The following ARHGAP35 variants were observed in gnomAD, a reference collection of about 807,000 sequenced individuals.
The protein encoded by ARHGAP35 is Rho GTPase activating protein 35.
A neutral mutation model predicts 111.1 loss-of-function variants in ARHGAP35; 15 were observed. The observed-to-expected ratio is 0.13, with a 90% CI of 0.09 to 0.21. The LOEUF is 0.21. Ranked by LOEUF, ARHGAP35 falls within the 10% of genes least tolerant of loss-of-function variation. ARHGAP35 has a pLI of 1.00. For missense variants in ARHGAP35, 1,262 were observed against 1,873.0 expected, an observed-to-expected ratio of 0.67 and a Z score of 6.02; for synonymous variants, 643 against 710.3, an observed-to-expected ratio of 0.91 and a Z score of 1.51.
In ARHGAP35 at chr19:46,989,561, G is replaced by A. The variant is rs2056668913; in HGVS notation, c.3922G>A (p.Ala1308Thr). The A allele has an allele frequency of 6.2e-7, 1 of 1,613,772 alleles. No homozygotes were observed. The highest frequency in any genetic ancestry group is 1.3e-5 in the African/African-American group (1 of 74,924). ...QFDQDHNLDL[A>T]EKDFTVNTVA... Reference sequence around the variant, plus strand: ...CCTTTCAGACCACAACCTGGACCTGGCAGAGAAAGACTTTACGGTGAATAC... The same window carrying A: ...CCTTTCAGACCACAACCTGGACCTGACAGAGAAAGACTTTACGGTGAATAC... The change falls in exon 5 of 7, where the codon GCA becomes ACA. Residue 1308 changes from alanine to threonine, a missense_variant. By Grantham distance (58) the Ala-to-Thr change is moderately conservative. Coordinates refer to ENST00000672722, the MANE Select transcript of ARHGAP35 (RefSeq NM_004491.5). The surrounding 1 kb of genome is among the most constrained non-coding windows in gnomAD (Gnocchi z 5.3).
chr19:46,924,543 G>C (rs920176172), intron 2 of ARHGAP35, among the ~76,000 whole-genome samples: 2 of 152,168 alleles, frequency 1.3e-5, no homozygotes, highest in Non-Finnish European at 2.9e-5. Flanking sequence ...TCTACATGGA[G>C]TCCTTTGTCT....
At chr19:46,878,065 A>C (rs542195877) in intron 1 of ARHGAP35, among the ~76,000 whole-genome samples, 122 of 151,962 alleles carry the variant, frequency 8.0e-4, no homozygotes, top group Non-Finnish European at 1.5e-3. Flanking sequence ...TTTGTTGCCC[A>C]GGCTAGAGAG....
At chr19:46,996,865 AGT>A (rs1322511720) in intron 5 of ARHGAP35, among the ~76,000 whole-genome samples, 1 of 152,228 alleles carries the variant, frequency 6.6e-6, no homozygotes, top group Non-Finnish European at 1.5e-5. Flanking sequence ...CGTAGAAAAG[AGT>A]GTGCCCATGG....
Position 46,987,741 on chromosome 19 carries a change from G to A in ARHGAP35, c.3827-248G>A, listed in dbSNP as rs994975942. On this transcript the variant is annotated intron_variant, in intron 3 of 6. Transcript: ENST00000672722. The stretch of plus-strand genomic sequence containing the variant: ...TGAACAGAAGTTATCTTTAGCTGCT[G>A]TGCTTCTATAGTCTTTCCATTTTTA... 2.6e-5 allele frequency among the ~76,000 whole-genome samples: 4 copies of A among 152,284 alleles called. No individual in the cohort carries two copies. The South Asian group carries it at 8.3e-4, about 32-fold the overall frequency.
In ARHGAP35 at chr19:46,989,314, G is replaced by C; in HGVS notation, c.3905-230G>C. 1 of 476,410 alleles carries C rather than the reference G, an allele frequency of 2.1e-6. No individual in the cohort carries two copies. Among genetic ancestry groups the C allele is most frequent in the South Asian group, 2.6e-5 (1 of 39,174 alleles). The allele number at this position is 476,410 out of a possible 1,614,324, so 29.5% of individuals were successfully genotyped here. A position where few individuals can be genotyped will look rare whatever the true frequency, so the allele number is the denominator to read the frequency against. ...TGGGGGTAGCACCCCTGCCCCGAGA[G>C]TGGTAGAAGGGGCAGTTCAGCAGTC... On this transcript the variant is annotated intron_variant, in intron 4 of 6. Coordinates refer to ENST00000672722, the MANE Select transcript of ARHGAP35 (RefSeq NM_004491.5). The surrounding 1 kb of genome is among the most constrained non-coding windows in gnomAD (Gnocchi z 5.3).
rs756611086 is a variant in ARHGAP35, at chr19:47,001,607, T to C, written c.*919T>C. The C allele has an allele frequency of 5.3e-6, 2 of 374,790 alleles. No individual in the cohort carries two copies. Among genetic ancestry groups the C allele is most frequent in the Non-Finnish European group, 1.0e-5 (2 of 197,980 alleles). The allele number at this position is 374,790 out of a possible 1,614,324, so 23.2% of individuals were successfully genotyped here. On this transcript the variant is annotated 3_prime_UTR_variant, in exon 7 of 7. Transcript: ENST00000672722. This position sits in a 1 kb window ranked among gnomAD's most constrained non-coding sequence, Gnocchi z 5.4. ...AGGTCTAGTCGCTAGATCCCCCGTT[T>C]TCCCAAGAAGAGGGTTCGAGCCCTT...
chr19:46,870,261 T>G (rs1219747064), intron 1 of ARHGAP35, among the ~76,000 whole-genome samples: 3 of 151,676 alleles, frequency 2.0e-5, no homozygotes, highest in Middle Eastern at 3.2e-3. Context: ...TATACTTTTT[T>G]TAATGCTGTC....
Position 47,001,556 on chromosome 19 carries a change from C to T in ARHGAP35, c.*868C>T. ...GATGCCTGGAGCTGTGGCCTGAGGG[C>T]CTGCTGGGGTCCCACTCACCCACTT... On this transcript the variant is annotated 3_prime_UTR_variant, in exon 7 of 7. Transcript: ENST00000672722. The surrounding 1 kb of genome is among the most constrained non-coding windows in gnomAD (Gnocchi z 5.4). The T allele has an allele frequency of 2.0e-6, 1 of 492,890 alleles. No individual in the cohort carries two copies. The highest frequency in any genetic ancestry group is 3.4e-5 in the Admixed American group (1 of 29,246). 30.5% of individuals were successfully genotyped at this position (492,890 alleles called of 1,614,324 possible).
chr19:46,993,228 C>T lies in ARHGAP35; in HGVS notation c.4036+3553C>T, dbSNP rs976046068. 5.3e-5 allele frequency among the ~76,000 whole-genome samples: 8 copies of T among 152,170 alleles called. No homozygotes were observed. Among genetic ancestry groups the T allele is most frequent in the African/African-American group, 1.4e-4 (6 of 41,430 alleles). On this transcript the variant is annotated intron_variant, in intron 5 of 6. Coordinates refer to ENST00000672722, the MANE Select transcript of ARHGAP35 (RefSeq NM_004491.5). The surrounding 1 kb of genome is among the most constrained non-coding windows in gnomAD (Gnocchi z 4.6). ...CCTTGGAGTTGTTTACCACCTGGGG[C>T]GGGGAGAGCCGACGCCGGACGAGCC...
chr19:46,900,599 G>C (rs567870632), intron 1 of ARHGAP35, among the ~76,000 whole-genome samples: 2 of 152,128 alleles, frequency 1.3e-5, no homozygotes, highest in Non-Finnish European at 2.9e-5. Flanking sequence ...ATTACTTGTG[G>C]ACAGGTTTTT....
At chr19:46,878,948 A>G (rs1360838330) in intron 1 of ARHGAP35, among the ~76,000 whole-genome samples, 14 of 152,176 alleles carry the variant, frequency 9.2e-5, no homozygotes, top group Admixed American at 9.2e-4. Flanking sequence ...AGTTTGCTAC[A>G]TTCATTGATT....
In ARHGAP35 at chr19:46,921,141, T is replaced by G; in HGVS notation, c.2466T>G (p.Leu822=). 6.2e-7 allele frequency: 1 copy of G among 1,614,042 alleles called. No individual in the cohort carries two copies. Among genetic ancestry groups the G allele is most frequent in the South Asian group, 1.1e-5 (1 of 91,082 alleles). ...GTGGAAGCAACAACTCTGTTTTACT[T>G]GAACTACCAATCGGACTGCACAAGA... The part of the protein sequence containing the change: ...SHCGSNNSVL[L]ELPIGLHKKR... The change falls in exon 2 of 7, where the codon CTT becomes CTG. Residue 822 remains leucine, a synonymous_variant. Coordinates refer to ENST00000672722, the MANE Select transcript of ARHGAP35 (RefSeq NM_004491.5). The surrounding 1 kb of genome is among the most constrained non-coding windows in gnomAD (Gnocchi z 4.3).
In ARHGAP35 at chr19:46,893,678, A is replaced by G. The variant is rs186743152; in HGVS notation, c.-188-24810A>G. Among the ~76,000 whole-genome samples, 390 of 152,022 alleles carry G rather than the reference A, an allele frequency of 2.6e-3. 1 individual carries two copies. The highest frequency in any genetic ancestry group is 5.7e-3 in the Admixed American group (87 of 15,258). ...TAAAAGTTTAAAATTGAATTGTACC[A>G]ATAGGAGTATGAACTAATGATCCCA... On this transcript the variant is annotated intron_variant, in intron 1 of 6. Transcript: ENST00000672722.
intron 3 of ARHGAP35, among the ~76,000 whole-genome samples, chr19:46,980,396 A>C (rs968950350): frequency 3.9e-5 from 6 of 152,150 alleles, no homozygotes; most frequent in Non-Finnish European, 5.9e-5. Flanking sequence ...CTCAAAAATA[A>C]TAATAATATT....
At chr19:46,864,898 A>C (rs2055846978) in intron 1 of ARHGAP35, among the ~76,000 whole-genome samples, 4 of 152,244 alleles carry the variant, frequency 2.6e-5, no homozygotes, top group Admixed American at 1.3e-4. Context: ...AAGAATAAAA[A>C]CAACTGTGTA....
chr19:46,964,631 T>C (rs2056502651), intron 3 of ARHGAP35, among the ~76,000 whole-genome samples: 1 of 152,214 alleles, frequency 6.6e-6, no homozygotes, highest in Non-Finnish European at 1.5e-5. Context: ...AAAATAATTC[T>C]CAACTTTCAA....
intron 1 of ARHGAP35, among the ~76,000 whole-genome samples, chr19:46,861,521 C>A (rs1277239874): frequency 1.4e-5 from 2 of 139,332 alleles, no homozygotes; most frequent in Admixed American, 1.5e-4. Flanking sequence ...TACCCGACTT[C>A]AGCCAACCGG....
intron 3 of ARHGAP35, among the ~76,000 whole-genome samples, chr19:46,937,868 T>G (rs1279587954): frequency 6.6e-6 from 1 of 152,208 alleles, no homozygotes; most frequent in East Asian, 1.9e-4. Context: ...CTGAGACCCA[T>G]GTATTGATAG....
intron 3 of ARHGAP35, among the ~76,000 whole-genome samples, chr19:46,974,957 G>A (rs2056571688): frequency 6.6e-6 from 1 of 152,056 alleles, no homozygotes; most frequent in South Asian, 2.1e-4. Flanking sequence ...TGCAACCTCC[G>A]CCTCCCGGGT....
Sources: allele counts gnomAD v4.1 joint callset (sites outside exome capture counted in the v4.1 genomes callset), GRCh38; gene constraint gnomAD v4.1.1; non-coding constraint Gnocchi (gnomAD v3.1); transcripts MANE v1.5; gene names NCBI Gene and HGNC (gene_info 2026-07-23, HGNC 2026-07-21).